BRIP1: variants seen among roughly 807,000 people sequenced by gnomAD.
The protein encoded by BRIP1 is Fanconi anemia group J protein.
A neutral mutation model predicts 119.7 loss-of-function variants in BRIP1; 88 were observed. The ratio of observed to expected loss-of-function variants is 0.74; its 90% CI spans 0.62 to 0.88. BRIP1 has a LOEUF of 0.88. Ranked by LOEUF, BRIP1 falls within the 40% of genes least tolerant of loss-of-function variation. The probability of loss-of-function intolerance (pLI) is 0.00; values close to 1 mark genes in which losing one functional copy is unlikely to be tolerated. For missense variants in BRIP1, 1,259 were observed against 1,455.4 expected, an observed-to-expected ratio of 0.87 and a Z score of 2.20; for synonymous variants, 443 against 496.5, an observed-to-expected ratio of 0.89 and a Z score of 1.43.
In BRIP1 at chr17:61,686,146, C is replaced by T. The variant is rs2144118300; in HGVS notation, c.2595G>A (p.Arg865=). The T allele has an allele frequency of 2.5e-6, 4 of 1,614,028 alleles. No individual in the cohort carries two copies. The highest frequency in any genetic ancestry group is 3.4e-6 in the Non-Finnish European group (4 of 1,179,952). Residue 865 remains arginine, a synonymous_variant, in exon 19 of 20, where the codon CGG becomes CGA. Transcript: ENST00000259008. This position sits in a 1 kb window ranked among gnomAD's most constrained non-coding sequence, Gnocchi z 5.4. The stretch of plus-strand genomic sequence containing the variant: ...AGGTTGAATGGTGCTGAATCTGCTG[C>T]CGTACCCATTTAGAAAGTCCTAAAG... ...RYISGLSKWV[R]QQIQHHSTFE...
At chr17:61,685,201 T>C (rs932627141) in intron 19 of BRIP1, 1 of 152,482 alleles carries the variant, frequency 6.6e-6, no homozygotes, top group Admixed American at 6.5e-5. Flanking sequence ...AAAATGTAAA[T>C]AAATGGGCAT....
rs2061273332 is a variant in BRIP1, at chr17:61,681,729, A to G, written c.*1567T>C. On this transcript the variant is annotated 3_prime_UTR_variant, in exon 20 of 20. Transcript: ENST00000259008. This position sits in a 1 kb window ranked among gnomAD's most constrained non-coding sequence, Gnocchi z 5.1. ...AAATTCTTTAACTGGTAACTTGTCA[A>G]TTTAAATGTCTTTGAACTACGCTTA... 1 of 198,096 alleles carries G rather than the reference A, an allele frequency of 5.0e-6. No individual in the cohort carries two copies. The highest frequency in any genetic ancestry group is 1.9e-4 in the South Asian group (1 of 5,200). The allele number at this position is 198,096 out of a possible 1,614,324, so 12.3% of individuals were successfully genotyped here.
At position 61,728,188 on chromosome 17, in the gene BRIP1, G is replaced by T. The variant is rs373806072; in HGVS notation, c.2380-12125C>A. 4.4e-4 allele frequency among the ~76,000 whole-genome samples: 67 copies of T among 151,898 alleles called. 1 individual carries two copies. The South Asian group carries it at 0.014, about 32-fold the overall frequency. Reference sequence around the variant, plus strand: ...TCTACCTTTGAAATATTATTGCCAAGAATATTTGATTCAGAGCTTTTCAAA... The same window carrying T: ...TCTACCTTTGAAATATTATTGCCAATAATATTTGATTCAGAGCTTTTCAAA... On this transcript the variant is annotated intron_variant, in intron 16 of 19. Coordinates refer to ENST00000259008, the MANE Select transcript of BRIP1 (RefSeq NM_032043.3).
At chr17:61,839,618 C>A (rs369009407) in intron 6 of BRIP1, among the ~76,000 whole-genome samples, 1 of 152,026 alleles carries the variant, frequency 6.6e-6, no homozygotes, top group African/African-American at 2.4e-5. Context: ...CAGTGTCACA[C>A]TAGTGAAATG....
intron 3 of BRIP1, among the ~76,000 whole-genome samples, chr17:61,858,874 T>C (rs2078935213): frequency 6.6e-6 from 1 of 152,044 alleles, no homozygotes; most frequent in Non-Finnish European, 1.5e-5. Context: ...TTCATAGAAG[T>C]AAATATTAAT....
In BRIP1 at chr17:61,847,395, A is replaced by T. The variant is rs573624932; in HGVS notation, c.508-175T>A. 8.7e-4 allele frequency among the ~76,000 whole-genome samples: 132 copies of T among 152,330 alleles called. No homozygotes were observed. The highest frequency in any genetic ancestry group is 2.9e-3 in the African/African-American group (122 of 41,570). On this transcript the variant is annotated intron_variant, in intron 5 of 19. Coordinates refer to ENST00000259008, the MANE Select transcript of BRIP1 (RefSeq NM_032043.3). ...ATGCAAATAAGCACCTCATTACAAC[A>T]CTTAAAGGAAATAGAACATAGTAGT...
chr17:61,738,578 T>A lies in BRIP1; in HGVS notation c.2379+4435A>T, dbSNP rs923358435. Among the ~76,000 whole-genome samples, 1 of 152,078 alleles carries A rather than the reference T, an allele frequency of 6.6e-6. No individual in the cohort carries two copies. The highest frequency in any genetic ancestry group is 2.4e-5 in the African/African-American group (1 of 41,420). ...TAGGCCATCAGGTGTCTTTTTTGCA[T>A]GACAGACTGAGATATTGTCTAGGAA... is the stretch of plus-strand genomic sequence containing the variant. On this transcript the variant is annotated intron_variant, in intron 16 of 19. Transcript: ENST00000259008. The surrounding 1 kb of genome is among the most constrained non-coding windows in gnomAD (Gnocchi z 4.2).
At chr17:61,786,799 A>C (rs1274976258) in intron 10 of BRIP1, among the ~76,000 whole-genome samples, 1 of 130,956 alleles carries the variant, frequency 7.6e-6, no homozygotes, top group Non-Finnish European at 1.6e-5. Flanking sequence ...AGTATATATT[A>C]TATATTTATA....
At position 61,828,239 on chromosome 17, in the gene BRIP1, T is replaced by C. The variant is rs921619895; in HGVS notation, c.627+18862A>G. On this transcript the variant is annotated intron_variant, in intron 6 of 19. Transcript: ENST00000259008. This position sits in a 1 kb window ranked among gnomAD's most constrained non-coding sequence, Gnocchi z 4.1. ...TATTCAGCCATAAAAAGAAATAAAA[T>C]TCTGACACATACTACATGGTGGATG... is the stretch of plus-strand genomic sequence containing the variant. 6.6e-6 allele frequency among the ~76,000 whole-genome samples: 1 copy of C among 152,182 alleles called. No individual in the cohort carries two copies. Among genetic ancestry groups the C allele is most frequent in the Admixed American group, 6.5e-5 (1 of 15,278 alleles).
At chr17:61,688,975 G>A (rs2061402692) in intron 18 of BRIP1, among the ~76,000 whole-genome samples, 1 of 148,116 alleles carries the variant, frequency 6.8e-6, no homozygotes, top group African/African-American at 2.5e-5. Flanking sequence ...CAAGCAGAAG[G>A]AAGAATCAGG....
chr17:61,684,727 A>G lies in BRIP1; in HGVS notation c.2906-587T>C, dbSNP rs2061335142. 1 of 152,102 alleles carries G rather than the reference A, an allele frequency of 6.6e-6. No individual in the cohort carries two copies. The highest frequency in any genetic ancestry group is 1.9e-4 in the East Asian group (1 of 5,186). 9.4% of individuals were successfully genotyped at this position (152,102 alleles called of 1,614,324 possible). On this transcript the variant is annotated intron_variant, in intron 19 of 19. Coordinates refer to ENST00000259008, the MANE Select transcript of BRIP1 (RefSeq NM_032043.3). The surrounding 1 kb of genome is among the most constrained non-coding windows in gnomAD (Gnocchi z 4.5). ...TGTATTACTATTTTGTAGTACTTAT[A>G]TACTACAAAATACATGTTTAAAAAT... is the stretch of plus-strand genomic sequence containing the variant.
At chr17:61,732,197 G>A (rs2144580190) in intron 16 of BRIP1, among the ~76,000 whole-genome samples, 1 of 151,768 alleles carries the variant, frequency 6.6e-6, no homozygotes, top group Non-Finnish European at 1.5e-5. Flanking sequence ...TGGCCAGGTT[G>A]TTCTCCAACT....
intron 17 of BRIP1, among the ~76,000 whole-genome samples, chr17:61,697,005 G>A (rs9890620): frequency 0.19 from 21,480 of 113,196 alleles, 2,583 homozygotes; most frequent in African/African-American, 0.27. Flanking sequence ...AAAAAAAAAG[G>A]GGGGGGGAAG....
At position 61,852,800 on chromosome 17, in the gene BRIP1, C is replaced by G. The variant is rs145944682; in HGVS notation, c.380-3544G>C. ...AAACCCAATGAGAATACCACACATA[C>G]ACAAGAATGACTAACTTTTTTTTTA... On this transcript the variant is annotated intron_variant, in intron 4 of 19. Coordinates refer to ENST00000259008, the MANE Select transcript of BRIP1 (RefSeq NM_032043.3). This position sits in a 1 kb window ranked among gnomAD's most constrained non-coding sequence, Gnocchi z 4.9. Among the ~76,000 whole-genome samples, 4 of 152,250 alleles carry G rather than the reference C, an allele frequency of 2.6e-5. No homozygotes were observed. The East Asian group carries it at 5.8e-4, about 22-fold the overall frequency.
rs2061251370 is a variant in BRIP1 at position 61,679,812 on chromosome 17, A to G, written c.*3484T>C. 6.6e-6 allele frequency among the ~76,000 whole-genome samples: 1 copy of G among 152,200 alleles called. No individual in the cohort carries two copies. Among genetic ancestry groups the G allele is most frequent in the African/African-American group, 2.4e-5 (1 of 41,456 alleles). ...TAAACATTTCTTTTAAAAGTATGTT[A>G]TCAGTAATGAAAATGGCCTACATCC... On this transcript the variant is annotated 3_prime_UTR_variant, in exon 20 of 20. Transcript: ENST00000259008. This position sits in a 1 kb window ranked among gnomAD's most constrained non-coding sequence, Gnocchi z 4.4.
In BRIP1 at chr17:61,751,650, G is replaced by A. The variant is rs1392102603; in HGVS notation, c.2098-7059C>T. 6.6e-6 allele frequency among the ~76,000 whole-genome samples: 1 copy of A among 151,926 alleles called. No individual in the cohort carries two copies. Among genetic ancestry groups the A allele is most frequent in the Non-Finnish European group, 1.5e-5 (1 of 67,988 alleles). ...GCAAATACAGATAGATAACAAATATGATTTCATTTATATAAAGTTCAAAAA... is the reference window on the plus strand; with the variant it reads ...GCAAATACAGATAGATAACAAATATAATTTCATTTATATAAAGTTCAAAAA... On this transcript the variant is annotated intron_variant, in intron 14 of 19. Coordinates refer to ENST00000259008, the MANE Select transcript of BRIP1 (RefSeq NM_032043.3). The surrounding 1 kb of genome is among the most constrained non-coding windows in gnomAD (Gnocchi z 6.7).
At chr17:61,696,139 T>G (rs1458694783) in intron 17 of BRIP1, among the ~76,000 whole-genome samples, 2 of 152,100 alleles carry the variant, frequency 1.3e-5, no homozygotes, top group African/African-American at 4.8e-5. Flanking sequence ...GTAAGTAACC[T>G]TATATTCCCA....
intron 16 of BRIP1, among the ~76,000 whole-genome samples, chr17:61,721,267 C>CTTTT (rs11326516): frequency 7.0e-5 from 8 of 114,150 alleles, no homozygotes; most frequent in African/African-American, 1.0e-4. Context: ...AAAATCTAAG[C>CTTTT]TTTTTTTTTT....
At chr17:61,849,717 T>C (rs2078789847) in intron 4 of BRIP1, among the ~76,000 whole-genome samples, 1 of 152,218 alleles carries the variant, frequency 6.6e-6, no homozygotes, top group South Asian at 2.1e-4. Flanking sequence ...CTCAAGGTCA[T>C]CCAGGACCTC....
Sources: gnomAD v4.1 joint callset for allele counts (sites outside exome capture counted in the v4.1 genomes callset) on GRCh38, gnomAD v4.1.1 for gene constraint, Gnocchi (gnomAD v3.1) non-coding constraint, MANE v1.5 for transcripts, NCBI Gene and HGNC (gene_info 2026-07-23, HGNC 2026-07-21) for gene names.